ATP11A: variants seen among roughly 807,000 people sequenced by gnomAD.
ATP11A encodes ATPase phospholipid transporting 11A.
In ATP11A, 81 loss-of-function variants were observed where a neutral mutation model predicts 154.4. The ratio of observed to expected loss-of-function variants is 0.52; its 90% CI spans 0.44 to 0.63. The LOEUF (loss-of-function observed/expected upper bound fraction) is 0.63, where lower values mean the gene tolerates loss of function less well. Ranked by LOEUF, ATP11A falls within the 30% of genes least tolerant of loss-of-function variation. The pLI is 0.00. For missense variants in ATP11A, 1,316 were observed against 1,474.3 expected, an observed-to-expected ratio of 0.89 and a Z score of 1.76; for synonymous variants, 623 against 585.9, an observed-to-expected ratio of 1.06 and a Z score of -0.91.
chr13:112,856,664 A>G (rs2079936209), intron 20 of ATP11A: 2 of 11,798 alleles, frequency 1.7e-4, no homozygotes, highest in Non-Finnish European at 2.3e-4. Context: ...TGAAAGCACT[A>G]TGGAATGTAT....
At chr13:112,824,487 G>T in intron 10 of ATP11A, 62 bp downstream of exon 10, 3 of 1,499,262 alleles carry the variant, frequency 2.0e-6, no homozygotes, top group Non-Finnish European at 2.8e-6. Flanking sequence ...TGTAGAAATG[G>T]AAGTAGCTTC....
rs77566176 is a variant in ATP11A at position 112,868,228 on chromosome 13, G to A, written c.2992-3507G>A. 9.3e-3 allele frequency among the ~76,000 whole-genome samples: 1,413 copies of A among 152,346 alleles called. 32 individuals are homozygous for A. The highest frequency in any genetic ancestry group is 0.078 in the East Asian group (404 of 5,182). On this transcript the variant is annotated intron_variant, in intron 25 of 29. Transcript: ENST00000375645. ...AGCAGCTGAAACACGAGCGGTCCGC[G>A]TATGGGCCAGGTGGGAGGCAGAGGG...
Position 112,753,747 on chromosome 13 carries a change from A to G in ATP11A, c.40-31388A>G, listed in dbSNP as rs1462781727. 2.0e-5 allele frequency among the ~76,000 whole-genome samples: 3 copies of G among 148,924 alleles called. No homozygotes were observed. The highest frequency in any genetic ancestry group is 1.9e-4 in the East Asian group (1 of 5,172). The stretch of plus-strand genomic sequence containing the variant: ...ATTTATTATTAATAATAATGGAGCA[A>G]TAAAGTGAGTCACATAAAAAAAATA... On this transcript the variant is annotated intron_variant, in intron 1 of 29. Coordinates refer to ENST00000375645, the MANE Select transcript of ATP11A (RefSeq NM_015205.3). The surrounding 1 kb of genome is among the most constrained non-coding windows in gnomAD (Gnocchi z 4.1).
At chr13:112,725,426 G>A (rs1431029726) in intron 1 of ATP11A, among the ~76,000 whole-genome samples, 1 of 152,050 alleles carries the variant, frequency 6.6e-6, no homozygotes, top group Non-Finnish European at 1.5e-5. Context: ...CGCCCCCATC[G>A]CCTGGCCCCT....
rs754920317 is a variant in ATP11A, at chr13:112,823,356, C to T, written c.737C>T (p.Ser246Leu). 5 of 1,613,590 alleles carry T rather than the reference C, an allele frequency of 3.1e-6. No homozygotes were observed. The highest frequency in any genetic ancestry group is 2.2e-5 in the East Asian group (1 of 44,882). The change falls in exon 9 of 30, where the codon TCG (serine) becomes TTG (leucine). Residue 246 changes from serine (S) to leucine (L), a missense_variant. Physicochemically the swap from Ser to Leu is moderately radical, Grantham distance 145 (BLOSUM62 -2). Coordinates refer to ENST00000375645, the MANE Select transcript of ATP11A (RefSeq NM_015205.3). ...TCGTATCTTTACAGGCCCTTAGGAT[C>T]GGAAAACCTGCTGCTTAGAGGAGCT... ...LNDPVVRPLG[S>L]ENLLLRGATL...
intron 1 of ATP11A, among the ~76,000 whole-genome samples, chr13:112,762,439 C>T (rs1174521750): frequency 6.6e-6 from 1 of 152,168 alleles, no homozygotes; most frequent in Non-Finnish European, 1.5e-5. Flanking sequence ...CTCTATGGGC[C>T]CCCGAGACTG....
chr13:112,782,363 C>T (rs997931618), intron 1 of ATP11A, among the ~76,000 whole-genome samples: 10 of 152,176 alleles, frequency 6.6e-5, no homozygotes, highest in Non-Finnish European at 1.0e-4. Context: ...ATTCAGTTGC[C>T]GTCTTTGAAG....
At chr13:112,744,531 T>C (rs146800538) in intron 1 of ATP11A, among the ~76,000 whole-genome samples, 2 of 152,224 alleles carry the variant, frequency 1.3e-5, no homozygotes, top group Non-Finnish European at 2.9e-5. Flanking sequence ...GCTTCTCACG[T>C]GAAAGCTGAT....
chr13:112,805,176 T>C (rs1353664390), intron 3 of ATP11A, 130 bp downstream of exon 3: 1 of 637,850 alleles, frequency 1.6e-6, no homozygotes, highest in East Asian at 3.1e-5. Context: ...ATTAATTTAT[T>C]TATTTTCTTA....
Position 112,883,039 on chromosome 13 carries a change from A to T in ATP11A, c.*1173A>T, listed in dbSNP as rs1246273290. 1.1e-5 allele frequency: 4 copies of T among 368,654 alleles called. No individual in the cohort carries two copies. Among genetic ancestry groups the T allele is most frequent in the African/African-American group, 5.5e-5 (2 of 36,646 alleles). The allele number at this position is 368,654 out of a possible 1,614,324, so 22.8% of individuals were successfully genotyped here. A position where few individuals can be genotyped will look rare whatever the true frequency, so the allele number is the denominator to read the frequency against. On this transcript the variant is annotated 3_prime_UTR_variant, in exon 30 of 30. Transcript: ENST00000375645. The stretch of plus-strand genomic sequence containing the variant: ...CATCCCCACGTCCCCTCATCCCGTC[A>T]CCTCGTCCCCACATCCCCTTGCCCC...
intron 2 of ATP11A, among the ~76,000 whole-genome samples, chr13:112,791,732 C>G (rs946888161): frequency 5.3e-5 from 8 of 152,208 alleles, no homozygotes; most frequent in African/African-American, 1.9e-4. Context: ...TACCCTCTCT[C>G]CCCCTCGGCT....
At chr13:112,711,885 G>A (rs948687180) in intron 1 of ATP11A, among the ~76,000 whole-genome samples, 1 of 152,234 alleles carries the variant, frequency 6.6e-6, no homozygotes, top group Non-Finnish European at 1.5e-5. Flanking sequence ...CCAGGAGCCT[G>A]GATGACTCAC....
At chr13:112,740,238 G>A (rs2139744675) in intron 1 of ATP11A, among the ~76,000 whole-genome samples, 1 of 151,890 alleles carries the variant, frequency 6.6e-6, no homozygotes, top group East Asian at 1.9e-4. Context: ...GGAGTGGAAT[G>A]GTGCTATCTC....
chr13:112,788,844 G>A (rs2077740472), intron 2 of ATP11A, among the ~76,000 whole-genome samples: 1 of 150,752 alleles, frequency 6.6e-6, no homozygotes, highest in African/African-American at 2.5e-5. Context: ...CCCCTGTGGC[G>A]ACCTACTTAA....
At chr13:112,714,365 G>C (rs976455072) in intron 1 of ATP11A, among the ~76,000 whole-genome samples, 35 of 152,134 alleles carry the variant, frequency 2.3e-4, no homozygotes, top group Non-Finnish European at 3.4e-4. Flanking sequence ...GGGAACCCAC[G>C]TCTCTGCAGG....
chr13:112,885,824 G>A lies in ATP11A; in HGVS notation c.*3958G>A, dbSNP rs2080971166. 1 of 152,322 alleles carries A rather than the reference G, an allele frequency of 6.6e-6. No individual in the cohort carries two copies. The highest frequency in any genetic ancestry group is 1.5e-5 in the Non-Finnish European group (1 of 68,086). 9.4% of individuals were successfully genotyped at this position (152,322 alleles called of 1,614,324 possible). On this transcript the variant is annotated 3_prime_UTR_variant, in exon 30 of 30. Coordinates refer to ENST00000375645, the MANE Select transcript of ATP11A (RefSeq NM_015205.3). Reference sequence around the variant, plus strand: ...TGGCCCCCAGCCCATGCCTCCCTGGGATGAAGAGTCCCCCTCCTGGCAGAA... The same window carrying A: ...TGGCCCCCAGCCCATGCCTCCCTGGAATGAAGAGTCCCCCTCCTGGCAGAA...
Position 112,883,889 on chromosome 13 carries a change from C to T in ATP11A, c.*2023C>T, listed in dbSNP as rs951040620. On this transcript the variant is annotated 3_prime_UTR_variant, in exon 30 of 30. Transcript: ENST00000375645. ...GTAACACCTGTAGCGGGGGCAGATT[C>T]TCTGTATGTTCAGTTAACAAATTAT... The T allele has an allele frequency of 6.6e-6, 1 of 152,572 alleles. No individual in the cohort carries two copies. Among genetic ancestry groups the T allele is most frequent in the African/African-American group, 2.4e-5 (1 of 41,452 alleles). The allele number at this position is 152,572 out of a possible 1,614,324, so 9.5% of individuals were successfully genotyped here.
intron 17 of ATP11A, among the ~76,000 whole-genome samples, chr13:112,846,805 G>C (rs780504516): frequency 6.6e-6 from 1 of 152,210 alleles, no homozygotes; most frequent in African/African-American, 2.4e-5. Context: ...GGAACAGTCT[G>C]TTCCTTTCAG....
chr13:112,805,885 C>T (rs1164135439), intron 3 of ATP11A, among the ~76,000 whole-genome samples: 3 of 151,832 alleles, frequency 2.0e-5, no homozygotes, highest in Non-Finnish European at 4.4e-5. Flanking sequence ...ATTTTTCCAA[C>T]ATTAAATTAT....
Sources: gnomAD v4.1 joint callset for allele counts (sites outside exome capture counted in the v4.1 genomes callset) on GRCh38, gnomAD v4.1.1 for gene constraint, Gnocchi (gnomAD v3.1) non-coding constraint, MANE v1.5 for transcripts, NCBI Gene and HGNC (gene_info 2026-07-23, HGNC 2026-07-21) for gene names.